TOGARAM2: variants seen among roughly 807,000 people sequenced by gnomAD.
TOGARAM2 encodes TOG array regulator of axonemal microtubules 2.
Under a neutral mutation model 93.3 loss-of-function variants are expected in TOGARAM2, and 85 were observed. The ratio of observed to expected loss-of-function variants is 0.91; its 90% CI spans 0.76 to 1.09. The LOEUF (loss-of-function observed/expected upper bound fraction) is 1.09. TOGARAM2 is among the 50% of genes least tolerant of loss of function. TOGARAM2 has a pLI of 0.00. For synonymous variants in TOGARAM2, 593 were observed against 552.8 expected (o/e 1.07, Z -1.02); for missense variants, 1,277 against 1,334.5 (o/e 0.96, Z 0.67).
chr2:29,033,622 G>C, intron 16 of TOGARAM2, 59 bp downstream of exon 16: 1 of 1,529,962 alleles, frequency 6.5e-7, no homozygotes, highest in Non-Finnish European at 8.9e-7. Context: ...GAGGCATCCT[G>C]CTTGTCCATG....
intron 16 of TOGARAM2, 40 bp downstream of exon 16, chr2:29,033,603 C>A (rs773278418): frequency 1.7e-5 from 27 of 1,582,994 alleles, no homozygotes; most frequent in East Asian, 4.5e-5. Flanking sequence ...ACATCTAAGA[C>A]TTCTGACAGA....
Position 29,051,864 on chromosome 2 carries a change from G to T in TOGARAM2, c.2831G>T (p.Gly944Val), listed in dbSNP as rs7577483. Residue 944 changes from glycine to valine, a missense_variant, in exon 20 of 20, where the codon GGA becomes GTA. By Grantham distance (109) the Gly-to-Val change is moderately radical (BLOSUM62 -3). Transcript: ENST00000379558. ...NTATRNGTLP[G>V]PSGNIRGVVC... Reference sequence around the variant, plus strand: ...GCCACCAGGAATGGCACCCTGCCTGGACCCAGCGGGAACATCCGCGGGGTG... The same window carrying T: ...GCCACCAGGAATGGCACCCTGCCTGTACCCAGCGGGAACATCCGCGGGGTG... The T allele has an allele frequency of 0.093, 145,253 of 1,570,106 alleles. 7,149 individuals are homozygous for T. Among genetic ancestry groups the T allele is most frequent in the East Asian group, 0.17 (7,032 of 42,032 alleles).
chr2:29,004,800 CTGAG>C (rs1174425847), intron 6 of TOGARAM2, among the ~76,000 whole-genome samples: 12 of 148,764 alleles, frequency 8.1e-5, no homozygotes, highest in South Asian at 4.3e-4. Flanking sequence ...CTGAGTGTGT[CTGAG>C]TGCATGTGTG....
intron 14 of TOGARAM2, 31 bp downstream of exon 14, chr2:29,027,042 G>A: frequency 6.6e-7 from 1 of 1,524,828 alleles, no homozygotes; most frequent in Admixed American, 2.1e-5. Flanking sequence ...TGGGGGCAGA[G>A]AAGGCAACCA....
At chr2:28,970,054 G>T (rs186960044) in intron 1 of TOGARAM2, among the ~76,000 whole-genome samples, 1 of 152,062 alleles carries the variant, frequency 6.6e-6, no homozygotes, top group South Asian at 2.1e-4. Flanking sequence ...CTCGTGATCC[G>T]CCCGCCTTGG....
chr2:28,968,032 T>C (rs72786130), intron 1 of TOGARAM2, among the ~76,000 whole-genome samples: 25,611 of 151,870 alleles, frequency 0.17, 3,139 homozygotes, highest in East Asian at 0.58. Context: ...TTGGCCAGGC[T>C]GGTCTTGAAC....
At chr2:28,991,882 C>T (rs1243921026) in intron 1 of TOGARAM2, among the ~76,000 whole-genome samples, 2 of 152,240 alleles carry the variant, frequency 1.3e-5, no homozygotes, top group African/African-American at 2.4e-5. Context: ...ACAACGGTTA[C>T]TTACCCCGGG....
At chr2:29,034,600 C>T (rs907214865) in intron 16 of TOGARAM2, among the ~76,000 whole-genome samples, 2 of 152,208 alleles carry the variant, frequency 1.3e-5, no homozygotes, top group African/African-American at 4.8e-5. Context: ...GGGTGTAGGG[C>T]ATGAGCCAGT....
At chr2:29,027,623 G>C (rs1389248662) in intron 14 of TOGARAM2, among the ~76,000 whole-genome samples, 3 of 151,826 alleles carry the variant, frequency 2.0e-5, no homozygotes, top group Non-Finnish European at 4.4e-5. Context: ...GCTAGGGGTG[G>C]TGTTGCACAC....
intron 1 of TOGARAM2, among the ~76,000 whole-genome samples, chr2:28,982,482 C>T (rs992669059): frequency 2.6e-5 from 4 of 152,170 alleles, no homozygotes; most frequent in Admixed American, 6.5e-5. Context: ...GGCAGTCCCT[C>T]GCTCTTCTCA....
chr2:29,016,050 T>C (rs1409705791), intron 8 of TOGARAM2, among the ~76,000 whole-genome samples: 3 of 152,166 alleles, frequency 2.0e-5, no homozygotes, highest in Non-Finnish European at 4.4e-5. Context: ...CTTAAGTGCC[T>C]AATTATACTT....
At chr2:29,033,128 G>T in intron 15 of TOGARAM2, 77 bp downstream of exon 15, 1 of 1,219,358 alleles carries the variant, frequency 8.2e-7, no homozygotes, top group South Asian at 1.3e-5. Context: ...GCCTTCATGT[G>T]GGTCAGGGGA....
At position 29,005,751 on chromosome 2, in the gene TOGARAM2, ATGTGTGTG is replaced by A. The variant is rs568308717; in HGVS notation, c.830+2074_830+2081del. ...TGTGTGTGAGCACATATATGTGTGT[ATGTGTGTG>A]TGTGAGTACATGTGTGGAGTATCTG... On this transcript the variant is annotated intron_variant, in intron 6 of 19. Coordinates refer to ENST00000379558, the MANE Select transcript of TOGARAM2 (RefSeq NM_199280.4). Among the ~76,000 whole-genome samples the A allele has an allele frequency of 2.5e-3, 31 of 12,584 alleles. 3 individuals carry two copies. The highest frequency in any genetic ancestry group is 4.1e-3 in the Admixed American group (3 of 736). The allele number at this position is 12,584 out of a possible 152,430, so 8.3% of individuals were successfully genotyped here.
intron 12 of TOGARAM2, among the ~76,000 whole-genome samples, 155 bp downstream of exon 12, chr2:29,023,346 T>C (rs1385080004): frequency 6.6e-6 from 1 of 152,194 alleles, no homozygotes; most frequent in Non-Finnish European, 1.5e-5. Flanking sequence ...TAGCCACCCA[T>C]TTCTCAGATT....
intron 8 of TOGARAM2, among the ~76,000 whole-genome samples, chr2:29,016,288 G>T (rs1338957547): frequency 6.6e-6 from 1 of 151,840 alleles, no homozygotes. Context: ...CCCCATCGCC[G>T]TCCAAGCCCC....
chr2:29,034,625 G>A (rs1312804690), intron 16 of TOGARAM2, among the ~76,000 whole-genome samples: 2 of 152,234 alleles, frequency 1.3e-5, no homozygotes, highest in Non-Finnish European at 2.9e-5. Flanking sequence ...CAGGCTTGGA[G>A]CTGAAGGTGG....
chr2:28,994,544 A>C (rs1390490961), intron 1 of TOGARAM2, among the ~76,000 whole-genome samples, 181 bp from the exon 2 acceptor site: 1 of 152,206 alleles, frequency 6.6e-6, no homozygotes, highest in African/African-American at 2.4e-5. Flanking sequence ...CCAAAACCAC[A>C]CGGCCTCGCA....
intron 8 of TOGARAM2, among the ~76,000 whole-genome samples, chr2:29,015,861 G>A (rs1259044909): frequency 6.6e-6 from 1 of 152,026 alleles, no homozygotes; most frequent in African/African-American, 2.4e-5. Context: ...CTGGATGCTG[G>A]AACTCCCCCA....
intron 8 of TOGARAM2, among the ~76,000 whole-genome samples, chr2:29,015,843 C>G (rs1664534349): frequency 6.6e-6 from 1 of 152,126 alleles, no homozygotes; most frequent in South Asian, 2.1e-4. Context: ...TCCTCATCTC[C>G]CCGGCCTCTG....
Sources: allele counts gnomAD v4.1 joint callset (sites outside exome capture counted in the v4.1 genomes callset), GRCh38; gene constraint gnomAD v4.1.1; transcripts MANE v1.5; gene names NCBI Gene and HGNC (gene_info 2026-07-23, HGNC 2026-07-21).